The following KNTC1 variants were observed in gnomAD, a reference collection of about 807,000 sequenced individuals.
KNTC1 encodes the protein kinetochore-associated protein 1.
In KNTC1, 253 loss-of-function variants were observed where a neutral mutation model predicts 314.4. The observed-to-expected ratio is 0.80, with a 90% CI of 0.73 to 0.89. The LOEUF (loss-of-function observed/expected upper bound fraction) is 0.89. Among genes scored for constraint, KNTC1 ranks in the 40% least tolerant of loss-of-function variants. The pLI is 0.00. For missense variants in KNTC1, 2,475 were observed against 2,572.9 expected (o/e 0.96, Z 0.82); for synonymous variants, 901 against 901.4 (o/e 1.00, Z 0.01).
chr12:122,613,124 C>T lies in KNTC1; in HGVS notation c.5635C>T (p.His1879Tyr). The change falls in exon 54 of 64, where the codon CAT becomes TAT. Residue 1879 changes from histidine to tyrosine, a missense_variant. His to Tyr is a moderately conservative substitution (Grantham distance 83). Coordinates refer to ENST00000333479, the MANE Select transcript of KNTC1 (RefSeq NM_014708.6). ...TTTGGTTTTTCAGACATTAGGTATG[C>T]ATCAGTTAACTTTTGCCCATAGAAC... ...ATSTTTTLGM[H>Y]QLTFAHRTRA... 1 of 1,607,408 alleles carries T rather than the reference C, an allele frequency of 6.2e-7. No individual in the cohort carries two copies. The highest frequency in any genetic ancestry group is 8.5e-7 in the Non-Finnish European group (1 of 1,174,216).
Position 122,574,304 on chromosome 12 carries a change from C to G in KNTC1, c.2306C>G (p.Ser769Ter), listed in dbSNP as rs1172234996. 1.5e-5 allele frequency: 24 copies of G among 1,607,678 alleles called. No individual in the cohort carries two copies. In the Admixed American group the frequency reaches 4.1e-4, roughly 27 times the overall value. Residue 769 changes from serine (S) to a stop codon, truncating the protein, a stop_gained, in exon 27 of 64, where the codon TCA becomes TGA. Transcript: ENST00000333479. LOFTEE classifies it high-confidence loss of function. ...TAGGATTTACTGAATAGATGCAGCTCAAAGTCCACATCACTCTTTGAAACA... is the reference window on the plus strand; with the variant it reads ...TAGGATTTACTGAATAGATGCAGCTGAAAGTCCACATCACTCTTTGAAACA... ...YIEDLLNRCS[S>*]KSTSLFETAW...
At chr12:122,617,236 C>T (rs976133610) in intron 57 of KNTC1, among the ~76,000 whole-genome samples, 7 of 152,036 alleles carry the variant, frequency 4.6e-5, no homozygotes, top group Admixed American at 6.6e-5. Flanking sequence ...TAGAAGTGGG[C>T]TTGTTGGGTC....
chr12:122,546,841 T>TG (rs1962807392), intron 10 of KNTC1, among the ~76,000 whole-genome samples, 167 bp downstream of exon 10: 1 of 151,782 alleles, frequency 6.6e-6, no homozygotes, highest in African/African-American at 2.4e-5. Context: ...AATTTTTTTT[T>TG]TTTTTTTTGA....
chr12:122,584,538 T>C lies in KNTC1; in HGVS notation c.3436+88T>C, dbSNP rs554560871. On this transcript the variant is annotated intron_variant, in intron 35 of 63. Coordinates refer to ENST00000333479, the MANE Select transcript of KNTC1 (RefSeq NM_014708.6). ...AATGCTGTCTCTTTACAATTGGACA[T>C]CACGGTAATCAGACTAGAGATAGTA... The C allele has an allele frequency of 3.3e-6, 3 of 912,642 alleles. No individual in the cohort carries two copies. The South Asian group carries it at 5.3e-5, about 16-fold the overall frequency. The allele number at this position is 912,642 out of a possible 1,614,324, so 56.5% of individuals were successfully genotyped here.
At chr12:122,590,461 G>A (rs1284321298) in intron 40 of KNTC1, 146 bp from the exon 41 acceptor site, 3 of 713,204 alleles carry the variant, frequency 4.2e-6, no homozygotes, top group Admixed American at 3.1e-5. Flanking sequence ...TTGAGACACT[G>A]AATTCTGTTT....
At chr12:122,618,585 T>C (rs763452986) in intron 59 of KNTC1, 40 bp downstream of exon 59, 4 of 1,450,678 alleles carry the variant, frequency 2.8e-6, no homozygotes, top group Admixed American at 3.4e-5. Flanking sequence ...AAAAAAAGTT[T>C]GTTGCTTATA....
intron 39 of KNTC1, among the ~76,000 whole-genome samples, 194 bp downstream of exon 39, chr12:122,588,068 T>A: frequency 6.6e-6 from 1 of 152,292 alleles, no homozygotes; most frequent in Middle Eastern, 3.4e-3. Flanking sequence ...ATTTTCATAC[T>A]CATTCTTTGC....
intron 57 of KNTC1, among the ~76,000 whole-genome samples, chr12:122,616,551 G>A (rs1034072927): frequency 1.3e-5 from 2 of 152,136 alleles, no homozygotes; most frequent in African/African-American, 2.4e-5. Flanking sequence ...GTGAGCCACC[G>A]CACCCGGCCG....
At chr12:122,581,386 T>C (rs1453150241) in intron 33 of KNTC1, among the ~76,000 whole-genome samples, 2 of 151,250 alleles carry the variant, frequency 1.3e-5, no homozygotes, top group African/African-American at 4.9e-5. Flanking sequence ...TTAAGTAGAG[T>C]TGGGGTTTCT....
chr12:122,623,683 A>T (rs1874680522), intron 62 of KNTC1, among the ~76,000 whole-genome samples: 1 of 152,204 alleles, frequency 6.6e-6, no homozygotes. Context: ...GAAGTTGATT[A>T]CATGAATTAG....
At chr12:122,617,445 A>G in intron 57 of KNTC1, 1 of 447,294 alleles carries the variant, frequency 2.2e-6, no homozygotes, top group Non-Finnish European at 4.5e-6. Context: ...CTGGTCTTAG[A>G]ACTCCTGAGC....
intron 16 of KNTC1, among the ~76,000 whole-genome samples, chr12:122,556,847 G>C (rs1268471881): frequency 6.8e-6 from 1 of 147,416 alleles, no homozygotes. Flanking sequence ...TATTGTGTCT[G>C]ACTTATCTCA....
chr12:122,569,572 A>T, intron 21 of KNTC1, 109 bp from the exon 22 acceptor site: 2 of 894,994 alleles, frequency 2.2e-6, no homozygotes, highest in Non-Finnish European at 3.4e-6. Context: ...CTCATTATTA[A>T]ATCAGTAGGC....
At chr12:122,603,959 A>T (rs1593664286) in intron 48 of KNTC1, among the ~76,000 whole-genome samples, 1 of 152,294 alleles carries the variant, frequency 6.6e-6, no homozygotes, top group East Asian at 1.9e-4. Context: ...TCATAGAACG[A>T]AATATTATGG....
intron 24 of KNTC1, among the ~76,000 whole-genome samples, chr12:122,572,519 A>AT (rs1198770517): frequency 6.6e-6 from 1 of 152,054 alleles, no homozygotes; most frequent in African/African-American, 2.4e-5. Flanking sequence ...GTAAAACATT[A>AT]TTTTTATCTT....
chr12:122,539,884 C>T lies in KNTC1; in HGVS notation c.445+130C>T, dbSNP rs188773207. 153 of 570,156 alleles carry T rather than the reference C, an allele frequency of 2.7e-4. 1 individual carries two copies. In the East Asian group the frequency reaches 4.3e-3, roughly 16 times the overall value. 35.3% of individuals were successfully genotyped at this position (570,156 alleles called of 1,614,324 possible). On this transcript the variant is annotated intron_variant, in intron 5 of 63. Transcript: ENST00000333479. Reference sequence around the variant, plus strand: ...GGAACCACCAGCTCCCAGGTTCAGGCGTCTCCTGCCTCAGCCTCCTGAGTA... The same window carrying T: ...GGAACCACCAGCTCCCAGGTTCAGGTGTCTCCTGCCTCAGCCTCCTGAGTA...
intron 55 of KNTC1, among the ~76,000 whole-genome samples, chr12:122,614,699 G>A (rs1037374309): frequency 1.3e-5 from 2 of 151,876 alleles, no homozygotes; most frequent in Non-Finnish European, 2.9e-5. Context: ...TGCCCGACAT[G>A]GTGAAACCCC....
At chr12:122,595,533 G>C (rs539225012) in intron 43 of KNTC1, among the ~76,000 whole-genome samples, 26 of 152,210 alleles carry the variant, frequency 1.7e-4, no homozygotes, top group African/African-American at 5.3e-4. Context: ...TCCTGCACTG[G>C]GCAGGCATCT....
At chr12:122,590,508 A>C (rs1870036313) in intron 40 of KNTC1, 99 bp from the exon 41 acceptor site, 1 of 1,227,926 alleles carries the variant, frequency 8.1e-7, no homozygotes, top group African/African-American at 1.5e-5. Context: ...GTATAAATTA[A>C]AATTATTCCT....
Sources: allele counts gnomAD v4.1 joint callset (sites outside exome capture counted in the v4.1 genomes callset), GRCh38; gene constraint gnomAD v4.1.1; transcripts MANE v1.5; gene names NCBI Gene and HGNC (gene_info 2026-07-23, HGNC 2026-07-21).